The following SAMD9L variants were observed in gnomAD, a reference collection of about 807,000 sequenced individuals.
The protein encoded by SAMD9L is sterile alpha motif domain-containing protein 9-like.
SAMD9L carries 68 observed loss-of-function variants against 90.7 expected under a neutral mutation model. The observed-to-expected ratio is 0.75, with a 90% confidence interval of 0.62 to 0.92. The LOEUF is 0.92. Ranked by LOEUF, SAMD9L falls within the 40% of genes least tolerant of loss-of-function variation. The pLI, the probability that SAMD9L is intolerant of heterozygous loss-of-function variation, is 0.00. For synonymous variants in SAMD9L, 640 were observed against 630.1 expected, an observed-to-expected ratio of 1.02 and a Z score of -0.23; for missense variants, 1,604 against 1,824.3, an observed-to-expected ratio of 0.88 and a Z score of 2.20.
intron 4 of SAMD9L, among the ~76,000 whole-genome samples, chr7:93,140,638 A>G (rs1792654308): frequency 1.3e-5 from 2 of 152,234 alleles, no homozygotes; most frequent in African/African-American, 4.8e-5. Context: ...GAATCCAAAG[A>G]GAGCTTCTCC....
Position 93,132,354 on chromosome 7 carries a change from G to T in SAMD9L, c.3618C>A (p.Tyr1206Ter), listed in dbSNP as rs1450914063. 6.2e-7 allele frequency: 1 copy of T among 1,613,766 alleles called. No homozygotes were observed. Among genetic ancestry groups the T allele is most frequent in the Non-Finnish European group, 8.5e-7 (1 of 1,179,868 alleles). Residue 1206 changes from tyrosine to a stop codon, truncating the protein, a stop_gained, in exon 5 of 5, where the codon TAC (tyrosine) becomes TAA (stop). Transcript: ENST00000318238. LOFTEE classifies it high-confidence loss of function. ...GAGTGAGCTGAAGAATCTGGATAGT[G>T]TAAAGACCAACTTCTATTTCACCCA... Reference protein sequence around the residue: ...CFLGEIEVGLYTIQILQLTPF... With the variant: ...CFLGEIEVGL
chr7:93,132,477 T>C lies in SAMD9L; in HGVS notation c.3495A>G (p.Glu1165=). 2 of 1,613,756 alleles carry C rather than the reference T, an allele frequency of 1.2e-6. No homozygotes were observed. Among genetic ancestry groups the C allele is most frequent in the Non-Finnish European group, 1.7e-6 (2 of 1,179,760 alleles). The stretch of plus-strand genomic sequence containing the variant: ...TTTTACTATCAGTTTGCCTTTGGGA[T>C]TCTTTGAAAGCTCTTGAGGCTTTTT... ...AAEKASRAFK[E]SQRQTDSKNY... Residue 1165 remains glutamate (E), a synonymous_variant, in exon 5 of 5, where the codon GAA becomes GAG. Transcript: ENST00000318238.
At position 93,133,381 on chromosome 7, in the gene SAMD9L, T is replaced by C. The variant is rs1213100746; in HGVS notation, c.2591A>G (p.Lys864Arg). 1.2e-6 allele frequency: 2 copies of C among 1,613,758 alleles called. No homozygotes were observed. The highest frequency in any genetic ancestry group is 4.5e-5 in the East Asian group (2 of 44,872). The change falls in exon 5 of 5, where the codon AAG (lysine) becomes AGG (arginine). Residue 864 changes from lysine (K) to arginine (R), a missense_variant. Transcript: ENST00000318238. ...SIALNYQLSS[K>R]EQRAFGAKLK... ...TTTGGCACCAAAAGCTCTTTGTTCC[T>C]TGGAAGAAAGTTGGTAATTTAGTGC...
At position 93,134,132 on chromosome 7, in the gene SAMD9L, T is replaced by C. The variant is rs1280979800; in HGVS notation, c.1840A>G (p.Ile614Val). 5 of 1,613,966 alleles carry C rather than the reference T, an allele frequency of 3.1e-6. No homozygotes were observed. The highest frequency in any genetic ancestry group is 3.4e-6 in the Non-Finnish European group (4 of 1,179,876). ...LTNHSISTLN[I>V]ELVNSTILKL... ...AGGATAGTGCTGTTTACCAGTTCTA[T>C]ATTTAAAGTGGAAATACTGTGGTTT... Residue 614 changes from isoleucine (I) to valine (V), a missense_variant, in exon 5 of 5, where the codon ATA becomes GTA. Transcript: ENST00000318238.
rs535260805 is a variant in SAMD9L at position 93,131,131 on chromosome 7, T to C, written c.*86A>G. 76 of 869,228 alleles carry C rather than the reference T, an allele frequency of 8.7e-5. 1 individual carries two copies. In the South Asian group the frequency reaches 1.1e-3, roughly 13 times the overall value. 53.8% of individuals were successfully genotyped at this position (869,228 alleles called of 1,614,324 possible). On this transcript the variant is annotated 3_prime_UTR_variant, in exon 5 of 5. Transcript: ENST00000318238. ...CTGTAATTAGAGGTTAGCCATAATG[T>C]TATGAAAGTGCCATGAGAATAGAGA... is the stretch of plus-strand genomic sequence containing the variant.
intron 3 of SAMD9L, 135 bp from the exon 4 acceptor site, chr7:93,144,968 T>C (rs955193334): frequency 2.0e-5 from 3 of 152,214 alleles, no homozygotes; most frequent in African/African-American, 7.2e-5. Context: ...CCTTGGAGGA[T>C]TTTATTCTTT....
chr7:93,144,491 T>G (rs1479480129), intron 4 of SAMD9L, among the ~76,000 whole-genome samples: 1 of 152,204 alleles, frequency 6.6e-6, no homozygotes, highest in Non-Finnish European at 1.5e-5. Context: ...AGGATGTGTA[T>G]AGGTTATATG....
At position 93,133,936 on chromosome 7, in the gene SAMD9L, A is replaced by G. The variant is rs1481812364; in HGVS notation, c.2036T>C (p.Phe679Ser). The G allele has an allele frequency of 6.2e-7, 1 of 1,613,718 alleles. No homozygotes were observed. The highest frequency in any genetic ancestry group is 1.3e-5 in the African/African-American group (1 of 74,884). ...AAAGTGTTCTTCTTTTGATTTCTTAAACTCCAGGAATTTAGATTTGTCTTT... is the reference window on the plus strand; with the variant it reads ...AAAGTGTTCTTCTTTTGATTTCTTAGACTCCAGGAATTTAGATTTGTCTTT... ...IEKDKSKFLE[F>S]KKSKEEHFYR... The change falls in exon 5 of 5, where the codon TTT becomes TCT. Residue 679 changes from phenylalanine to serine, a missense_variant. Physicochemically the swap from Phe to Ser is radical, Grantham distance 155. Transcript: ENST00000318238.
chr7:93,135,672 G>C lies in SAMD9L; in HGVS notation c.300C>G (p.His100Gln), dbSNP rs1243744346. 1 of 1,613,890 alleles carries C rather than the reference G, an allele frequency of 6.2e-7. No individual in the cohort carries two copies. Among genetic ancestry groups the C allele is most frequent in the Non-Finnish European group, 8.5e-7 (1 of 1,179,936 alleles). Reference sequence around the variant, plus strand: ...TTTTGGTGTGTTTTGGATTTTTCTGGTGTTCTGTTTTGGACGGTTTTGAAT... The same window carrying C: ...TTTTGGTGTGTTTTGGATTTTTCTGCTGTTCTGTTTTGGACGGTTTTGAAT... ...LDNSKPSKTE[H>Q]QKNPKHTKKE... Residue 100 changes from histidine (H) to glutamine (Q), a missense_variant, in exon 5 of 5, where the codon CAC (histidine) becomes CAG (glutamine). Physicochemically the swap from His to Gln is conservative, Grantham distance 24. Around this residue, in one of 7 missense-constraint regions of SAMD9L, gnomAD observed 374 missense variants for 363.6 expected, o/e 1.03. Coordinates refer to ENST00000318238, the MANE Select transcript of SAMD9L (RefSeq NM_152703.5).
Position 93,132,834 on chromosome 7 carries a change from C to T in SAMD9L, c.3138G>A (p.Val1046=). 1 of 1,613,798 alleles carries T rather than the reference C, an allele frequency of 6.2e-7. No individual in the cohort carries two copies. Residue 1046 remains valine (V), a synonymous_variant, in exon 5 of 5, where the codon GTG becomes GTA. Coordinates refer to ENST00000318238, the MANE Select transcript of SAMD9L (RefSeq NM_152703.5). ...QTLLLTRQRK[V]YGDETDTLFS... is the part of the protein sequence containing the mutation. ...ACAGAGTGTCTGTTTCATCTCCATA[C>T]ACCTTGCGCTGTCTTGTAAGCAGAA...
At position 93,134,399 on chromosome 7, in the gene SAMD9L, C is replaced by T; in HGVS notation, c.1573G>A (p.Val525Ile). ...GTGAGAAATAAAATTAGTTTCCTGACTTCTGAAGCTCTTTCTCTCTGCCAT... is the reference window on the plus strand; with the variant it reads ...GTGAGAAATAAAATTAGTTTCCTGATTTCTGAAGCTCTTTCTCTCTGCCAT... Reference protein sequence around the residue: ...HLWQRERASEVRKLILFLTDE... With the variant: ...HLWQRERASEIRKLILFLTDE... The change falls in exon 5 of 5, where the codon GTC becomes ATC. Residue 525 changes from valine to isoleucine, a missense_variant. Physicochemically the swap from Val to Ile is conservative, Grantham distance 29 (BLOSUM62 3). Transcript: ENST00000318238. 1 of 1,613,316 alleles carries T rather than the reference C, an allele frequency of 6.2e-7. No homozygotes were observed. Among genetic ancestry groups the T allele is most frequent in the Non-Finnish European group, 8.5e-7 (1 of 1,179,794 alleles).
At chr7:93,137,068 G>A (rs927339288) in intron 4 of SAMD9L, among the ~76,000 whole-genome samples, 4 of 152,082 alleles carry the variant, frequency 2.6e-5, no homozygotes, top group African/African-American at 9.7e-5. Context: ...AAATCAGAAA[G>A]AATATTTTAC....
intron 4 of SAMD9L, among the ~76,000 whole-genome samples, chr7:93,139,528 G>A (rs528995111): frequency 1.3e-5 from 2 of 152,274 alleles, no homozygotes; most frequent in Middle Eastern, 3.4e-3. Flanking sequence ...AGAGGTTAGT[G>A]TGATGTTTCT....
Position 93,133,595 on chromosome 7 carries a change from G to A in SAMD9L, c.2377C>T (p.Gln793Ter). 1 of 1,613,798 alleles carries A rather than the reference G, an allele frequency of 6.2e-7. No individual in the cohort carries two copies. Residue 793 changes from glutamine (Q) to a stop codon, truncating the protein, a stop_gained, in exon 5 of 5, where the codon CAG (glutamine) becomes TAG (stop). Coordinates refer to ENST00000318238, the MANE Select transcript of SAMD9L (RefSeq NM_152703.5). LOFTEE classifies it high-confidence loss of function. ...NLVTYRAKSH[Q>*]DYIPVLLLVD... ...AGGAGAAGCACAGGAATGTAATCCT[G>A]ATGGCTCTTTGCCCTATAGGTGACC...
intron 4 of SAMD9L, among the ~76,000 whole-genome samples, chr7:93,143,119 T>G (rs928045139): frequency 6.6e-6 from 1 of 152,224 alleles, no homozygotes; most frequent in Non-Finnish European, 1.5e-5. Flanking sequence ...CTTTCTTCTT[T>G]ATTGATTGAC....
intron 4 of SAMD9L, among the ~76,000 whole-genome samples, chr7:93,138,857 C>G (rs547245287): frequency 6.6e-6 from 1 of 152,096 alleles, no homozygotes; most frequent in Non-Finnish European, 1.5e-5. Flanking sequence ...TCAGGTAAGA[C>G]CGACAGAGGG....
chr7:93,141,825 T>A (rs1234313433), intron 4 of SAMD9L, among the ~76,000 whole-genome samples: 1 of 152,246 alleles, frequency 6.6e-6, no homozygotes, highest in Non-Finnish European at 1.5e-5. Context: ...ATCATGTCAC[T>A]GACTCTTAGT....
rs886166129 is a variant in SAMD9L at position 93,145,960 on chromosome 7, T to C, written c.-698A>G. The C allele has an allele frequency of 1.1e-4, 16 of 152,230 alleles. No individual in the cohort carries two copies. The highest frequency in any genetic ancestry group is 3.9e-4 in the Admixed American group (6 of 15,280). The allele number at this position is 152,230 out of a possible 1,614,324, so 9.4% of individuals were successfully genotyped here. ...CCTTCCTCATCTCTTTCCTGGATTATAGGAATAGCTTCCTTGCCAGGTTCC... is the reference window on the plus strand; with the variant it reads ...CCTTCCTCATCTCTTTCCTGGATTACAGGAATAGCTTCCTTGCCAGGTTCC... On this transcript the variant is annotated 5_prime_UTR_variant, in exon 3 of 5. Transcript: ENST00000318238.
rs201068807 is a variant in SAMD9L at position 93,131,343 on chromosome 7, T to C, written c.4629A>G (p.Lys1543=). The C allele has an allele frequency of 3.8e-5, 62 of 1,613,642 alleles. No homozygotes were observed. In the Middle Eastern group the frequency reaches 5.0e-4, roughly 13 times the overall value. The change falls in exon 5 of 5, where the codon AAA becomes AAG. Residue 1543 remains lysine, a synonymous_variant. Transcript: ENST00000318238. ...AAACAGATATTACTGGTATTTTTAT[T>C]TTTTCCTCTGTTCCATATTCTACAG... ...LISVEYGTEE[K]IKIPVISVYS... is the part of the protein sequence containing the mutation.
Sources: gnomAD v4.1 joint callset for allele counts (sites outside exome capture counted in the v4.1 genomes callset) on GRCh38, gnomAD v4.1.1 for gene constraint, gnomAD v4.1.1 regional missense constraint, MANE v1.5 for transcripts, NCBI Gene and HGNC (gene_info 2026-07-23, HGNC 2026-07-21) for gene names.